ACCSL: variants seen among roughly 807,000 people sequenced by gnomAD.
The protein encoded by ACCSL is 1-aminocyclopropane-1-carboxylate synthase homolog (inactive) like.
In ACCSL, 55 loss-of-function variants were observed where a neutral mutation model predicts 61.7. The ratio of observed to expected loss-of-function variants is 0.89; its 90% CI spans 0.72 to 1.12. ACCSL has a LOEUF of 1.12. Ranked by LOEUF, ACCSL falls within the 50% of genes most tolerant of loss-of-function variation. ACCSL has a pLI of 0.00. For synonymous variants in ACCSL, 258 were observed against 264.3 expected (o/e 0.98, Z 0.23); for missense variants, 632 against 698.0 (o/e 0.91, Z 1.07).
the ACCSL span, among the ~76,000 whole-genome samples, chr11:43,949,375 G>A: frequency 6.6e-6 from 1 of 152,202 alleles, no homozygotes; most frequent in African/African-American, 2.4e-5. Flanking sequence ...AGCACAGAGT[G>A]GCCTCTGTGT....
the ACCSL span, among the ~76,000 whole-genome samples, chr11:43,953,247 G>T: frequency 6.6e-6 from 1 of 152,268 alleles, no homozygotes; most frequent in South Asian, 2.1e-4. Flanking sequence ...AGGTGTGGTG[G>T]CTCACACCTG....
the ACCSL span, chr11:43,942,327 C>A: frequency 1.1e-5 from 2 of 189,764 alleles, no homozygotes; most frequent in Non-Finnish European, 2.3e-5. Context: ...CTTGGGGATC[C>A]CAGAAGGGAC....
chr11:44,041,414 T>G, the ACCSL span, among the ~76,000 whole-genome samples: 1 of 152,228 alleles, frequency 6.6e-6, no homozygotes, highest in South Asian at 2.1e-4. Flanking sequence ...TATATCTAAT[T>G]GCCTGCTAAA....
chr11:44,034,584 CA>C, the ACCSL span, among the ~76,000 whole-genome samples: 1 of 151,862 alleles, frequency 6.6e-6, no homozygotes, highest in Admixed American at 6.5e-5. Flanking sequence ...AGAGCTTGTA[CA>C]GGGAAATTCC....
chr11:44,048,443 C>A lies in ACCSL; in HGVS notation c.407C>A (p.Ser136Tyr). 1 of 1,613,976 alleles carries A rather than the reference C, an allele frequency of 6.2e-7. No individual in the cohort carries two copies. Among genetic ancestry groups the A allele is most frequent in the Non-Finnish European group, 8.5e-7 (1 of 1,180,018 alleles). ...GCTGCCTTTGTCAACCGCGACCTAT[C>A]CATCCGTGGGATTGACATCTCTGTC... ...CEAAFVNRDL[S>Y]IRGIDISVFY... Residue 136 changes from serine (S) to tyrosine (Y), a missense_variant, in exon 1 of 14, where the codon TCC becomes TAC. Coordinates refer to ENST00000378832, the MANE Select transcript of ACCSL (RefSeq NM_001031854.2).
chr11:44,055,369 C>T (rs2134774337), intron 9 of ACCSL, 78 bp downstream of exon 9: 5 of 1,146,144 alleles, frequency 4.4e-6, no homozygotes, highest in Non-Finnish European at 6.5e-6. Context: ...GTGACATGAA[C>T]TTAACTCAGT....
chr11:43,921,706 T>A, the ACCSL span, among the ~76,000 whole-genome samples: 9 of 152,320 alleles, frequency 5.9e-5, no homozygotes, highest in Admixed American at 5.9e-4. Context: ...AGCTGTGCAT[T>A]TGATCTCTTC....
At chr11:44,025,100 A>T in the ACCSL span, among the ~76,000 whole-genome samples, 1 of 152,204 alleles carries the variant, frequency 6.6e-6, no homozygotes, top group African/African-American at 2.4e-5. Context: ...TCTTATAAAC[A>T]TCATATAATT....
chr11:44,042,868 C>T, the ACCSL span, among the ~76,000 whole-genome samples: 2 of 152,006 alleles, frequency 1.3e-5, no homozygotes, highest in South Asian at 4.2e-4. Flanking sequence ...ATCACTTGAG[C>T]CCAGGAGATT....
the ACCSL span, among the ~76,000 whole-genome samples, chr11:43,973,410 A>ATATCTATC: frequency 9.4e-5 from 14 of 148,938 alleles, no homozygotes; most frequent in Admixed American, 2.0e-4. Flanking sequence ...TGGTTTTGAG[A>ATATCTATC]TATCTATCTA....
the ACCSL span, among the ~76,000 whole-genome samples, chr11:43,975,808 C>T: frequency 6.6e-6 from 1 of 152,150 alleles, no homozygotes; most frequent in Admixed American, 6.5e-5. Flanking sequence ...AAGGATGACT[C>T]AGAGGGTGGA....
At chr11:44,009,751 C>A in the ACCSL span, among the ~76,000 whole-genome samples, 2 of 152,000 alleles carry the variant, frequency 1.3e-5, no homozygotes, top group African/African-American at 4.8e-5. Context: ...GGTGACAGGG[C>A]AGGACCCTGT....
the ACCSL span, among the ~76,000 whole-genome samples, chr11:43,930,795 GAAA>G: frequency 2.0e-5 from 3 of 151,918 alleles, no homozygotes; most frequent in African/African-American, 7.2e-5. Context: ...TGGTAAAAAA[GAAA>G]AAAAGTTTTC....
chr11:43,925,338 G>A, the ACCSL span: 2 of 455,836 alleles, frequency 4.4e-6, no homozygotes, highest in Non-Finnish European at 8.8e-6. Flanking sequence ...TGACAAGAGG[G>A]AACATGGGAA....
chr11:44,021,125 C>T, the ACCSL span, among the ~76,000 whole-genome samples: 1 of 151,862 alleles, frequency 6.6e-6, no homozygotes, highest in Non-Finnish European at 1.5e-5. Context: ...ATAATGACTT[C>T]TTTTCCTCCA....
At chr11:44,044,778 C>A (rs1952589416), upstream of ACCSL, among the ~76,000 whole-genome samples, 1 of 152,214 alleles carries the variant, frequency 6.6e-6, no homozygotes, top group Non-Finnish European at 1.5e-5. Flanking sequence ...TTCCCACATT[C>A]ATTTCTCCTT....
the ACCSL span, among the ~76,000 whole-genome samples, chr11:44,002,629 G>A: frequency 1.3e-5 from 2 of 152,138 alleles, no homozygotes; most frequent in African/African-American, 4.8e-5. Flanking sequence ...GCTTACTAGG[G>A]TGGGAGGGGC....
chr11:43,943,511 T>G, the ACCSL span: 3 of 1,350,710 alleles, frequency 2.2e-6, no homozygotes, highest in African/African-American at 4.5e-5. The surrounding 1 kb of genome is among the most constrained non-coding windows in gnomAD (Gnocchi z 4.8). Context: ...AAATGTTTAT[T>G]TTTTAACTCT....
chr11:43,943,114 G>T, the ACCSL span: 24 of 1,498,986 alleles, frequency 1.6e-5, 1 homozygote, highest in South Asian at 2.9e-4. The surrounding 1 kb of genome is among the most constrained non-coding windows in gnomAD (Gnocchi z 4.8). Flanking sequence ...AGGAGGAGGG[G>T]GTGTCCCCCA....
Sources: gnomAD v4.1 joint callset for allele counts (sites outside exome capture counted in the v4.1 genomes callset) on GRCh38, gnomAD v4.1.1 for gene constraint, Gnocchi (gnomAD v3.1) non-coding constraint, MANE v1.5 for transcripts, NCBI Gene and HGNC (gene_info 2026-07-23, HGNC 2026-07-21) for gene names.